Variants in REDIC1 observed in about 807,000 individuals in gnomAD.
REDIC1 encodes the protein regulator of DNA class I crossover intermediates 1.
At chr12:39,667,903 G>A in the REDIC1 span, among the ~76,000 whole-genome samples, 1 of 151,640 alleles carries the variant, frequency 6.6e-6, no homozygotes, top group Non-Finnish European at 1.5e-5. Flanking sequence ...GCCTTTTTTT[G>A]TTTTCCATTT....
At chr12:39,628,432 G>T in the REDIC1 span, among the ~76,000 whole-genome samples, 2 of 152,144 alleles carry the variant, frequency 1.3e-5, no homozygotes, top group Non-Finnish European at 2.9e-5. Context: ...AGCTGATGGA[G>T]CTAATAGAAT....
the REDIC1 span, among the ~76,000 whole-genome samples, chr12:39,822,137 T>C: frequency 1.4e-5 from 2 of 146,914 alleles, no homozygotes; most frequent in African/African-American, 5.0e-5. Flanking sequence ...TTCTCATTGT[T>C]CAATTCCCAC....
At chr12:39,715,835 C>T in the REDIC1 span, among the ~76,000 whole-genome samples, 4 of 151,884 alleles carry the variant, frequency 2.6e-5, no homozygotes, top group South Asian at 8.3e-4. Context: ...CTGAATGAAC[C>T]TTATTGGGGT....
At chr12:39,786,777 G>T in the REDIC1 span, among the ~76,000 whole-genome samples, 1 of 152,132 alleles carries the variant, frequency 6.6e-6, no homozygotes, top group African/African-American at 2.4e-5. Flanking sequence ...GGGTTAAGTG[G>T]TCTATATTTA....
At chr12:39,730,342 G>C in the REDIC1 span, among the ~76,000 whole-genome samples, 5 of 152,174 alleles carry the variant, frequency 3.3e-5, no homozygotes, top group Non-Finnish European at 7.3e-5. Flanking sequence ...CCTCTTGTAA[G>C]GCAGGCCTGG....
the REDIC1 span, among the ~76,000 whole-genome samples, chr12:39,866,768 A>T: frequency 2.6e-5 from 4 of 152,128 alleles, no homozygotes; most frequent in African/African-American, 9.7e-5. Flanking sequence ...CGTGAGCCAC[A>T]GCGCCCGGCC....
the REDIC1 span, among the ~76,000 whole-genome samples, chr12:39,906,136 GAAC>G: frequency 1.5e-3 from 2 of 1,294 alleles, no homozygotes; most frequent in African/African-American, 3.3e-3. Context: ...ACAGAACTTT[GAAC>G]TTTGTTTTCA....
the REDIC1 span, among the ~76,000 whole-genome samples, chr12:39,693,947 C>T: frequency 6.6e-6 from 1 of 152,180 alleles, no homozygotes; most frequent in Admixed American, 6.5e-5. Flanking sequence ...TATTCCACAG[C>T]CTCACCAACA....
chr12:39,823,432 CTT>C, the REDIC1 span, among the ~76,000 whole-genome samples: 8,281 of 152,090 alleles, frequency 0.054, 527 homozygotes, highest in East Asian at 0.25. Flanking sequence ...AGTGATATCT[CTT>C]TTCAAAAATT....
chr12:39,711,462 C>T, the REDIC1 span, among the ~76,000 whole-genome samples: 1 of 121,268 alleles, frequency 8.2e-6, no homozygotes, highest in Non-Finnish European at 1.8e-5. Context: ...TACACATATA[C>T]ACATACATAT....
At chr12:39,898,333 A>G in the REDIC1 span, among the ~76,000 whole-genome samples, 1 of 152,168 alleles carries the variant, frequency 6.6e-6, no homozygotes, top group East Asian at 1.9e-4. Flanking sequence ...ATTAGGGTGA[A>G]GCATGGATGG....
At chr12:39,902,718 T>C in the REDIC1 span, among the ~76,000 whole-genome samples, 3 of 152,138 alleles carry the variant, frequency 2.0e-5, no homozygotes, top group Non-Finnish European at 4.4e-5. Flanking sequence ...CACCTTCATT[T>C]ACCTTTAGAC....
At chr12:39,677,415 A>C in the REDIC1 span, among the ~76,000 whole-genome samples, 1 of 152,166 alleles carries the variant, frequency 6.6e-6, no homozygotes. Context: ...ATACATATGC[A>C]CCTAACACAG....
chr12:39,714,570 G>C, the REDIC1 span, among the ~76,000 whole-genome samples: 2 of 151,676 alleles, frequency 1.3e-5, no homozygotes, highest in African/African-American at 2.4e-5. Context: ...TTTCCTCTGG[G>C]TGGATACCCA....
chr12:39,819,345 C>A, the REDIC1 span, among the ~76,000 whole-genome samples: 4 of 151,996 alleles, frequency 2.6e-5, no homozygotes, highest in African/African-American at 9.7e-5. Flanking sequence ...AGTTATAGGA[C>A]CTTTGACATT....
chr12:39,638,492 ATC>A, the REDIC1 span, among the ~76,000 whole-genome samples: 1 of 152,036 alleles, frequency 6.6e-6, no homozygotes, highest in Non-Finnish European at 1.5e-5. Flanking sequence ...TTCTCAGCAG[ATC>A]TGTTTGGCTA....
chr12:39,905,354 C>G, the REDIC1 span, among the ~76,000 whole-genome samples: 2 of 152,110 alleles, frequency 1.3e-5, no homozygotes, highest in African/African-American at 4.8e-5. Flanking sequence ...CTCATCCAAG[C>G]TGCACAGTGC....
the REDIC1 span, among the ~76,000 whole-genome samples, chr12:39,906,956 G>A: frequency 1.3e-5 from 2 of 152,040 alleles, no homozygotes; most frequent in Non-Finnish European, 2.9e-5. Flanking sequence ...TTTATAAATA[G>A]AAAAATCAGT....
chr12:39,832,383 C>T, the REDIC1 span, among the ~76,000 whole-genome samples: 1 of 152,106 alleles, frequency 6.6e-6, no homozygotes, highest in African/African-American at 2.4e-5. Context: ...AAATTATTCT[C>T]AATTTTATTT....
Sources: gnomAD v4.1 joint callset for allele counts (sites outside exome capture counted in the v4.1 genomes callset) on GRCh38, gnomAD v4.1.1 for gene constraint, MANE v1.5 for transcripts, NCBI Gene and HGNC (gene_info 2026-07-23, HGNC 2026-07-21) for gene names.